Variants in PTPN20 observed in about 807,000 individuals in gnomAD.
PTPN20 encodes protein tyrosine phosphatase non-receptor type 20.
A neutral mutation model predicts 35.0 loss-of-function variants in PTPN20; 9 were observed. The ratio of observed to expected loss-of-function variants is 0.26; its 90% CI spans 0.15 to 0.45. PTPN20 has a LOEUF of 0.45. PTPN20 is among the 20% of genes least tolerant of loss of function. The pLI is 1.00. For synonymous variants in PTPN20, 32 were observed against 100.2 expected (o/e 0.32, Z 4.06); for missense variants, 111 against 312.5 (o/e 0.36, Z 4.86).
chr10:46,983,365 A>G (rs1429275208), intron 7 of PTPN20, among the ~76,000 whole-genome samples: 1 of 150,892 alleles, frequency 6.6e-6, no homozygotes, highest in African/African-American at 2.4e-5. Flanking sequence ...TTTACTAGAT[A>G]AGTGGTCCAT....
chr10:46,938,103 A>G (rs1350022706), intron 2 of PTPN20, among the ~76,000 whole-genome samples: 1 of 151,930 alleles, frequency 6.6e-6, no homozygotes, highest in Non-Finnish European at 1.5e-5. Context: ...GGTGCGCACC[A>G]CCATGCCCAG....
chr10:46,911,436 C>A lies in PTPN20; in HGVS notation c.-189C>A, dbSNP rs1474158326. The A allele has an allele frequency of 9.4e-6, 3 of 320,472 alleles. No homozygotes were observed. The highest frequency in any genetic ancestry group is 2.0e-4 in the East Asian group (2 of 9,860). 19.9% of individuals were successfully genotyped at this position (320,472 alleles called of 1,614,324 possible). On this transcript the variant is annotated 5_prime_UTR_variant, in exon 1 of 11. Coordinates refer to ENST00000374339, the MANE Select transcript of PTPN20 (RefSeq NM_001042357.5). ...TAGCGACGAAGGCCGGCAGGCTAGG[C>A]GTGGACCCAACTGGCGAGGCTGCTG... is the stretch of plus-strand genomic sequence containing the variant.
At chr10:46,953,911 C>T (rs145165123) in intron 5 of PTPN20, among the ~76,000 whole-genome samples, 58,613 of 105,582 alleles carry the variant, frequency 0.56, 15,587 homozygotes, top group African/African-American at 0.72. Flanking sequence ...AGTATCAGAG[C>T]AATGCTTCCC....
At chr10:46,957,602 T>A (rs2048783702) in intron 5 of PTPN20, among the ~76,000 whole-genome samples, 1 of 151,832 alleles carries the variant, frequency 6.6e-6, no homozygotes, top group African/African-American at 2.4e-5. Flanking sequence ...GTGGTAGCAG[T>A]TGCCTGTAAT....
chr10:46,994,243 T>C (rs1251689866), intron 9 of PTPN20, among the ~76,000 whole-genome samples: 1 of 151,830 alleles, frequency 6.6e-6, no homozygotes, highest in Non-Finnish European at 1.5e-5. Context: ...CTCTTTATCC[T>C]TGAGCTTTGA....
chr10:46,930,257 CA>C (rs2039105627), intron 1 of PTPN20, among the ~76,000 whole-genome samples: 1 of 119,588 alleles, frequency 8.4e-6, no homozygotes, highest in East Asian at 2.4e-4. Flanking sequence ...GAGGATAAGT[CA>C]TTGGGGTAAA....
At chr10:46,948,673 C>A (rs1163188391) in intron 5 of PTPN20, among the ~76,000 whole-genome samples, 3 of 151,988 alleles carry the variant, frequency 2.0e-5, no homozygotes, top group African/African-American at 7.3e-5. Flanking sequence ...CAGCTTTAGG[C>A]CTCCCCTGTG....
At chr10:46,997,226 T>C (rs1213835563) in intron 9 of PTPN20, among the ~76,000 whole-genome samples, 2 of 152,174 alleles carry the variant, frequency 1.3e-5, no homozygotes, top group East Asian at 3.8e-4. Flanking sequence ...TTTGGAGCAA[T>C]TGTAAATGGT....
At chr10:46,958,939 T>C (rs1319666853) in intron 5 of PTPN20, among the ~76,000 whole-genome samples, 1 of 151,364 alleles carries the variant, frequency 6.6e-6, no homozygotes, top group African/African-American at 2.4e-5. Context: ...ATACTTAGTT[T>C]ATAGCCTAAC....
chr10:46,954,531 A>G (rs1230962292), intron 5 of PTPN20, among the ~76,000 whole-genome samples: 6 of 143,274 alleles, frequency 4.2e-5, no homozygotes. Context: ...TGTCTAACTT[A>G]TGGGACTAGA....
chr10:46,945,107 T>C (rs79532092), intron 4 of PTPN20, among the ~76,000 whole-genome samples: 49,815 of 117,110 alleles, frequency 0.43, 11,609 homozygotes, highest in Middle Eastern at 0.53. Flanking sequence ...TGCCAAGAGT[T>C]GTAGGGTGTA....
At chr10:47,003,154 A>G (rs1204904535), downstream of PTPN20, among the ~76,000 whole-genome samples, 1 of 152,056 alleles carries the variant, frequency 6.6e-6, no homozygotes, top group Non-Finnish European at 1.5e-5. Flanking sequence ...GCCTCAATCA[A>G]AAACTGGTAA....
At chr10:46,977,031 T>C (rs368842822) in intron 7 of PTPN20, among the ~76,000 whole-genome samples, 1 of 149,516 alleles carries the variant, frequency 6.7e-6, no homozygotes, top group Non-Finnish European at 1.5e-5. Flanking sequence ...CAAATATTAG[T>C]CTAGATGTTG....
intron 9 of PTPN20, among the ~76,000 whole-genome samples, chr10:46,997,648 A>G (rs1416643883): frequency 1.3e-5 from 2 of 151,846 alleles, no homozygotes; most frequent in East Asian, 1.9e-4. Context: ...GAGAGTAACT[A>G]TATGCAGGGC....
chr10:46,997,885 A>G (rs1156390713), intron 9 of PTPN20, among the ~76,000 whole-genome samples: 2 of 152,308 alleles, frequency 1.3e-5, no homozygotes, highest in Non-Finnish European at 2.9e-5. Flanking sequence ...AGAAAGGCTT[A>G]TGTAAAAATA....
Position 47,000,669 on chromosome 10 carries a change from T to C in PTPN20, c.1198-7T>C. The C allele has an allele frequency of 6.2e-7, 1 of 1,613,224 alleles. No individual in the cohort carries two copies. The highest frequency in any genetic ancestry group is 8.5e-7 in the Non-Finnish European group (1 of 1,179,298). ...CATTCTGTTGTTTTTTATATATATG[T>C]ATATAGGAGCAGTATCACTTTTGTT... is the stretch of plus-strand genomic sequence containing the variant. On this transcript the variant is annotated splice_region_variant and splice_polypyrimidine_tract_variant and intron_variant, in intron 10 of 10. Transcript: ENST00000374339.
intron 10 of PTPN20, 140 bp downstream of exon 10, chr10:47,000,114 C>T: frequency 7.7e-7 from 1 of 1,302,930 alleles, no homozygotes; most frequent in Non-Finnish European, 1.1e-6. Flanking sequence ...TAGTTTTGCT[C>T]TGATTCTCTG....
chr10:46,928,743 CT>C (rs2038581501), intron 1 of PTPN20, among the ~76,000 whole-genome samples: 1 of 137,800 alleles, frequency 7.3e-6, no homozygotes, highest in African/African-American at 2.9e-5. Context: ...CAAATAATTA[CT>C]AGTAGTCTAA....
chr10:46,923,431 G>T (rs1249768207), intron 1 of PTPN20, among the ~76,000 whole-genome samples: 2 of 145,428 alleles, frequency 1.4e-5, no homozygotes, highest in East Asian at 2.0e-4. Context: ...TTTGTGAAAG[G>T]TGTAAGGTCT....
Sources: allele counts gnomAD v4.1 joint callset (sites outside exome capture counted in the v4.1 genomes callset), GRCh38; gene constraint gnomAD v4.1.1; transcripts MANE v1.5; gene names NCBI Gene and HGNC (gene_info 2026-07-23, HGNC 2026-07-21).